Variants in PLTP observed in about 807,000 individuals in gnomAD.
PLTP encodes phospholipid transfer protein.
A neutral mutation model predicts 54.1 loss-of-function variants in PLTP; 43 were observed. The observed-to-expected ratio is 0.79, with a 90% CI of 0.62 to 1.02. PLTP has a LOEUF of 1.02. PLTP is among the 50% of genes least tolerant of loss of function. The pLI is 0.00. For synonymous variants in PLTP, 263 were observed against 264.6 expected (o/e 0.99, Z 0.06); for missense variants, 604 against 645.9 (o/e 0.94, Z 0.70).
chr20:45,906,578 A>G (rs1568775196), intron 7 of PLTP, among the ~76,000 whole-genome samples: 1 of 152,114 alleles, frequency 6.6e-6, no homozygotes, highest in Non-Finnish European at 1.5e-5. Context: ...AGAGGTTTCA[A>G]AAAAATAACT....
chr20:45,898,965 G>T lies in PLTP; in HGVS notation c.1458C>A (p.Pro486=). 1 of 1,614,140 alleles carries T rather than the reference G, an allele frequency of 6.2e-7. No individual in the cohort carries two copies. The highest frequency in any genetic ancestry group is 1.7e-4 in the Middle Eastern group (1 of 6,060). Residue 486 remains proline (P), a synonymous_variant, in exon 16 of 16, where the codon CCC becomes CCA. Transcript: ENST00000372431. This position sits in a 1 kb window ranked among gnomAD's most constrained non-coding sequence, Gnocchi z 4.6. ...RPADVRASTA[P]TPSTAAV ...CTCAGACAGCTGCTGTGGACGGTGTGGGGGCAGTGGACGCCCTGACATCAG... is the reference window on the plus strand; with the variant it reads ...CTCAGACAGCTGCTGTGGACGGTGTTGGGGCAGTGGACGCCCTGACATCAG...
In PLTP at chr20:45,906,289, G is replaced by A. The variant is rs1252805058; in HGVS notation, c.684C>T (p.Ser228=). The A allele has an allele frequency of 1.2e-6, 2 of 1,613,722 alleles. No homozygotes were observed. The highest frequency in any genetic ancestry group is 3.3e-5 in the Admixed American group (2 of 59,994). ...TCACCCGGAAGTCCATGTCCAGGTT[G>A]CTGGTGGAAGCCACAGGATCCTTCA... The part of the protein sequence containing the change: ...SLMKDPVAST[S]NLDMDFRGAF... The change falls in exon 8 of 16, where the codon AGC becomes AGT. Residue 228 remains serine, a synonymous_variant. Transcript: ENST00000372431.
rs764452485 is a variant in PLTP at position 45,905,107 on chromosome 20, G to T, written c.717C>A (p.Phe239Leu). The change falls in exon 9 of 16, where the codon TTC becomes TTA. Residue 239 changes from phenylalanine (F) to leucine (L), a missense_variant. Transcript: ENST00000372431. ...GGCTCCAGTTCCTCTCAGTCAGGGG[G>T]AAGAAGGCCCCCTGGGGTGGGGCAT... Reference protein sequence around the residue: ...NLDMDFRGAFFPLTERNWSLP... With the variant: ...NLDMDFRGAFLPLTERNWSLP... 6.2e-7 allele frequency: 1 copy of T among 1,614,088 alleles called. No homozygotes were observed. Among genetic ancestry groups the T allele is most frequent in the Non-Finnish European group, 8.5e-7 (1 of 1,180,008 alleles).
At chr20:45,899,807 G>GGGGCCCCCCCCCC in intron 13 of PLTP, 29 bp downstream of exon 13, 1 of 1,369,468 alleles carries the variant, frequency 7.3e-7, no homozygotes, top group Non-Finnish European at 1.0e-6. Flanking sequence ...CACGAACCCA[G>GGGGCCCCCCCCCC]CCCAGCCCAC....
chr20:45,906,414 A>ATCCC, intron 7 of PLTP, 55 bp from the exon 8 acceptor site: 1 of 1,381,412 alleles, frequency 7.2e-7, no homozygotes, highest in Non-Finnish European at 1.0e-6. Flanking sequence ...TAAGGTGCTT[A>ATCCC]ACCTCTCCAG....
chr20:45,909,321 A>G (rs538954409), intron 5 of PLTP, among the ~76,000 whole-genome samples, 195 bp downstream of exon 5: 2 of 150,982 alleles, frequency 1.3e-5, no homozygotes, highest in East Asian at 3.9e-4. Context: ...GATCTTATAA[A>G]ATAGGATCTT....
At chr20:45,906,610 C>G (rs1163151150) in intron 7 of PLTP, among the ~76,000 whole-genome samples, 1 of 152,058 alleles carries the variant, frequency 6.6e-6, no homozygotes, top group African/African-American at 2.4e-5. Context: ...CATGGGGGGG[C>G]CGCGCATGGT....
intron 5 of PLTP, among the ~76,000 whole-genome samples, 200 bp from the exon 6 acceptor site, chr20:45,908,104 C>T (rs2083258195): frequency 6.6e-6 from 1 of 152,180 alleles, no homozygotes; most frequent in Non-Finnish European, 1.5e-5. Context: ...CTGACCTACT[C>T]TCTGGTCCCA....
Position 45,898,860 on chromosome 20 carries a change from T to C in PLTP, c.*81A>G, listed in dbSNP as rs890275633. On this transcript the variant is annotated 3_prime_UTR_variant, in exon 16 of 16. Coordinates refer to ENST00000372431, the MANE Select transcript of PLTP (RefSeq NM_006227.4). The surrounding 1 kb of genome is among the most constrained non-coding windows in gnomAD (Gnocchi z 4.6). ...TGGCACTGGGGGTTAGAGGGGGCAC[T>C]ACAGGCTATGAATGTGGGAAAAGAG... The C allele has an allele frequency of 1.3e-6, 2 of 1,525,750 alleles. No individual in the cohort carries two copies. The highest frequency in any genetic ancestry group is 1.8e-6 in the Non-Finnish European group (2 of 1,119,436). The allele number at this position is 1,525,750 out of a possible 1,614,324, so 94.5% of individuals were successfully genotyped here.
intron 3 of PLTP, 68 bp downstream of exon 3, chr20:45,911,084 G>A: frequency 6.2e-7 from 1 of 1,610,998 alleles, no homozygotes; most frequent in Non-Finnish European, 8.5e-7. Flanking sequence ...GAGACCCTGA[G>A]ATTTCTCGGG....
intron 13 of PLTP, 24 bp downstream of exon 13, chr20:45,899,812 G>GGCCCCCCCCC: frequency 3.2e-6 from 1 of 309,336 alleles, no homozygotes; most frequent in Non-Finnish European, 6.2e-6. Context: ...ACCCAGCCCA[G>GGCCCCCCCCC]CCCACCCACC....
rs987036303 is a variant in PLTP, at chr20:45,911,429, G to A, written c.24C>T (p.Phe8=). The A allele has an allele frequency of 1.2e-6, 2 of 1,606,366 alleles. No individual in the cohort carries two copies. The highest frequency in any genetic ancestry group is 1.1e-5 in the South Asian group (1 of 91,088). MALFGAL[F]LALLAGAHAE... ...CATGTGCGCCTGCCAGCAGCGCTAG[G>A]AAGAGGGCCCCGAAGAGGGCCATGG... The change falls in exon 2 of 16, where the codon TTC becomes TTT. Residue 8 remains phenylalanine, a synonymous_variant. Transcript: ENST00000372431.
At chr20:45,900,915 C>T (rs2083178917) in intron 12 of PLTP, among the ~76,000 whole-genome samples, 1 of 152,154 alleles carries the variant, frequency 6.6e-6, no homozygotes, top group Non-Finnish European at 1.5e-5. Flanking sequence ...AAGGAGTGGG[C>T]ACTATTAGGA....
At chr20:45,906,736 C>A (rs1029840928) in intron 7 of PLTP, among the ~76,000 whole-genome samples, 6 of 131,030 alleles carry the variant, frequency 4.6e-5, no homozygotes, top group African/African-American at 1.6e-4. Flanking sequence ...ACTAAAAATA[C>A]AAAAATTAGT....
chr20:45,902,659 C>T (rs1413999957), intron 10 of PLTP, 55 bp from the exon 11 acceptor site: 1 of 1,519,768 alleles, frequency 6.6e-7, no homozygotes, highest in East Asian at 2.5e-5. Context: ...TTTGGAGCCC[C>T]CAGGGAAGAA....
chr20:45,899,804 C>CCCGGGG, intron 13 of PLTP, 32 bp downstream of exon 13: 1 of 1,429,642 alleles, frequency 7.0e-7, no homozygotes, highest in Non-Finnish European at 9.7e-7. Context: ...TCTCACGAAC[C>CCCGGGG]CAGCCCAGCC....
chr20:45,900,853 G>A (rs1477032808), intron 12 of PLTP, among the ~76,000 whole-genome samples: 4 of 152,176 alleles, frequency 2.6e-5, no homozygotes, highest in African/African-American at 7.2e-5. Context: ...GTTAATATTA[G>A]TAAACTGTTT....
chr20:45,903,525 T>C (rs1393707375), intron 10 of PLTP, among the ~76,000 whole-genome samples: 2 of 151,816 alleles, frequency 1.3e-5, no homozygotes, highest in African/African-American at 4.8e-5. Context: ...CCACCGTGCC[T>C]GGCCATATCT....
chr20:45,899,290 G>C (rs914105512), intron 15 of PLTP, among the ~76,000 whole-genome samples, 172 bp downstream of exon 15: 3 of 152,146 alleles, frequency 2.0e-5, no homozygotes, highest in Non-Finnish European at 4.4e-5. Flanking sequence ...TATTGGGATG[G>C]GAGAAGAGTG....
Sources: gnomAD v4.1 joint callset for allele counts (sites outside exome capture counted in the v4.1 genomes callset) on GRCh38, gnomAD v4.1.1 for gene constraint, Gnocchi (gnomAD v3.1) non-coding constraint, MANE v1.5 for transcripts, NCBI Gene and HGNC (gene_info 2026-07-23, HGNC 2026-07-21) for gene names.